The following AHCYL2 variants were observed in gnomAD, a reference collection of about 807,000 sequenced individuals.
AHCYL2 encodes adenosylhomocysteinase like 2, also known as S-adenosylhomocysteine hydrolase-like protein 2.
In AHCYL2, 28 loss-of-function variants were observed where a neutral mutation model predicts 81.4. That is an observed-to-expected ratio of 0.34 (90% CI 0.25 to 0.47). AHCYL2 has a LOEUF of 0.47. AHCYL2 is among the 20% of genes least tolerant of loss of function. The pLI is 1.00. For synonymous variants in AHCYL2, 272 were observed against 290.2 expected (o/e 0.94, Z 0.64); for missense variants, 551 against 785.1 (o/e 0.70, Z 3.56).
chr7:129,301,651 G>A (rs1010374719), intron 1 of AHCYL2, among the ~76,000 whole-genome samples: 2 of 152,168 alleles, frequency 1.3e-5, no homozygotes, highest in African/African-American at 4.8e-5. Flanking sequence ...TGGCATGTTT[G>A]TCAAAAATGA....
chr7:129,298,243 C>T lies in AHCYL2; in HGVS notation c.363+72804C>T, dbSNP rs1289482589. Among the ~76,000 whole-genome samples the T allele has an allele frequency of 4.6e-5, 7 of 152,278 alleles. No individual in the cohort carries two copies. The South Asian group carries it at 8.3e-4, about 18-fold the overall frequency. The stretch of plus-strand genomic sequence containing the variant: ...TATTATATAGGGAGTGGGGTATTCA[C>T]CAGCCAGCCTATTTCTGATTCCTTA... On this transcript the variant is annotated intron_variant, in intron 1 of 16. Coordinates refer to ENST00000325006, the MANE Select transcript of AHCYL2 (RefSeq NM_015328.4).
intron 1 of AHCYL2, among the ~76,000 whole-genome samples, chr7:129,261,225 ATATCTCT>A (rs1367821464): frequency 6.6e-6 from 1 of 152,170 alleles, no homozygotes; most frequent in Non-Finnish European, 1.5e-5. Flanking sequence ...ATCTTTAATG[ATATCTCT>A]TATATCTTTA....
At chr7:129,316,553 G>C (rs1400521162) in intron 1 of AHCYL2, among the ~76,000 whole-genome samples, 3 of 152,162 alleles carry the variant, frequency 2.0e-5, no homozygotes, top group Non-Finnish European at 4.4e-5. Context: ...TGGAGAAATG[G>C]TTGAGAAATA....
At chr7:129,350,616 A>T (rs1169451498) in intron 1 of AHCYL2, among the ~76,000 whole-genome samples, 1 of 151,404 alleles carries the variant, frequency 6.6e-6, no homozygotes, top group Admixed American at 6.6e-5. Context: ...CGAACTCCTG[A>T]CCTTGTGATC....
chr7:129,279,294 C>T (rs948353212), intron 1 of AHCYL2, among the ~76,000 whole-genome samples: 3 of 150,992 alleles, frequency 2.0e-5, no homozygotes, highest in Non-Finnish European at 2.9e-5. Context: ...GGATTACAGA[C>T]GCACGCCACA....
At chr7:129,348,399 C>T (rs1469115061) in intron 1 of AHCYL2, among the ~76,000 whole-genome samples, 2 of 150,116 alleles carry the variant, frequency 1.3e-5, no homozygotes, top group Admixed American at 1.3e-4. Flanking sequence ...AATAACCCCC[C>T]CCCCACACAC....
At chr7:129,373,132 C>T (rs115892593) in intron 1 of AHCYL2, among the ~76,000 whole-genome samples, 173 of 152,154 alleles carry the variant, frequency 1.1e-3, no homozygotes, top group African/African-American at 3.9e-3. Context: ...AATACAAAAT[C>T]TTGGGCCCTC....
At chr7:129,341,178 G>A (rs1481334682) in intron 1 of AHCYL2, among the ~76,000 whole-genome samples, 2 of 152,162 alleles carry the variant, frequency 1.3e-5, no homozygotes, top group Non-Finnish European at 2.9e-5. Context: ...TTAGAACTTG[G>A]GGTTACATAG....
intron 2 of AHCYL2, among the ~76,000 whole-genome samples, chr7:129,386,354 T>C (rs1291875474): frequency 6.6e-6 from 1 of 151,638 alleles, no homozygotes; most frequent in Non-Finnish European, 1.5e-5. Flanking sequence ...TCCCAGCTAC[T>C]AAGGAGGCTG....
chr7:129,268,345 T>C (rs548918679), intron 1 of AHCYL2, among the ~76,000 whole-genome samples: 2 of 152,152 alleles, frequency 1.3e-5, no homozygotes, highest in South Asian at 4.1e-4. Context: ...CTTTCTTTTT[T>C]TGTTTTTGTT....
At position 129,335,185 on chromosome 7, in the gene AHCYL2, G is replaced by A. The variant is rs182870340; in HGVS notation, c.364-44453G>A. ...TGCTTGAGCCCAGCCTGGACAACAC[G>A]GTGAAACTCTGTCTCTACAAAAAAT... On this transcript the variant is annotated intron_variant, in intron 1 of 16. Transcript: ENST00000325006. Among the ~76,000 whole-genome samples, 529 of 152,046 alleles carry A rather than the reference G, an allele frequency of 3.5e-3. 3 individuals carry two copies. Among genetic ancestry groups the A allele is most frequent in the South Asian group, 0.013 (63 of 4,818 alleles).
intron 1 of AHCYL2, among the ~76,000 whole-genome samples, chr7:129,370,416 G>T (rs933533438): frequency 9.5e-5 from 14 of 146,658 alleles, no homozygotes; most frequent in African/African-American, 3.5e-4. Flanking sequence ...AAAATTTGCA[G>T]CCGGGTGCGG....
intron 1 of AHCYL2, among the ~76,000 whole-genome samples, chr7:129,366,615 A>C (rs866462235): frequency 2.1e-4 from 32 of 152,172 alleles, no homozygotes; most frequent in Non-Finnish European, 3.8e-4. Flanking sequence ...CCTGTCTACT[A>C]AAAATACAAA....
intron 1 of AHCYL2, among the ~76,000 whole-genome samples, chr7:129,321,838 C>T (rs1174666687): frequency 4.8e-5 from 7 of 145,508 alleles, no homozygotes; most frequent in South Asian, 4.4e-4. Context: ...TGCAGTGGCA[C>T]GATCTCGGCT....
At chr7:129,251,613 C>A (rs1042943602) in intron 1 of AHCYL2, among the ~76,000 whole-genome samples, 1 of 152,084 alleles carries the variant, frequency 6.6e-6, no homozygotes. Context: ...GCTGCCTTGG[C>A]GTCCCAAAGT....
At chr7:129,274,699 A>G (rs1796137872) in intron 1 of AHCYL2, among the ~76,000 whole-genome samples, 1 of 152,098 alleles carries the variant, frequency 6.6e-6, no homozygotes, top group South Asian at 2.1e-4. Context: ...TTGCACATAG[A>G]ACCCGGTCAC....
chr7:129,415,247 G>A (rs2150956327), intron 12 of AHCYL2, among the ~76,000 whole-genome samples: 1 of 152,296 alleles, frequency 6.6e-6, no homozygotes, highest in East Asian at 1.9e-4. Flanking sequence ...TGCTTCTAGA[G>A]CCCCCAAAGG....
At chr7:129,420,477 CTTTT>C (rs11414828) in intron 12 of AHCYL2, among the ~76,000 whole-genome samples, 2 of 126,812 alleles carry the variant, frequency 1.6e-5, no homozygotes, top group Non-Finnish European at 3.3e-5. Flanking sequence ...TGCTTAAATT[CTTTT>C]TTTTTTTTTT....
At chr7:129,372,810 C>T (rs1584841938) in intron 1 of AHCYL2, among the ~76,000 whole-genome samples, 1 of 151,924 alleles carries the variant, frequency 6.6e-6, no homozygotes, top group African/African-American at 2.4e-5. Flanking sequence ...AGCAAAACAC[C>T]ATCCCCCCAA....
Sources: gnomAD v4.1 joint callset for allele counts (sites outside exome capture counted in the v4.1 genomes callset) on GRCh38, gnomAD v4.1.1 for gene constraint, MANE v1.5 for transcripts, NCBI Gene and HGNC (gene_info 2026-07-23, HGNC 2026-07-21) for gene names.